The following CDKL2 variants were observed in gnomAD, a reference collection of about 807,000 sequenced individuals.
CDKL2 encodes the protein cyclin-dependent kinase-like 2.
CDKL2 carries 64 observed loss-of-function variants against 63.9 expected under a neutral mutation model. That is an observed-to-expected ratio of 1.00 (90% confidence interval 0.82 to 1.23). CDKL2 has a LOEUF of 1.23. Ranked by LOEUF, CDKL2 falls within the 50% of genes most tolerant of loss-of-function variation. The pLI is 0.00. For synonymous variants in CDKL2, 211 were observed against 229.2 expected (o/e 0.92, Z 0.72); for missense variants, 656 against 668.0 (o/e 0.98, Z 0.20).
intron 12 of CDKL2, among the ~76,000 whole-genome samples, chr4:75,587,113 G>A (rs934163494): frequency 6.6e-6 from 1 of 152,142 alleles, no homozygotes; most frequent in African/African-American, 2.4e-5. Context: ...ACATAATAAA[G>A]TAAAAATAAA....
chr4:75,618,918 G>T (rs1269871846), intron 2 of CDKL2, among the ~76,000 whole-genome samples: 2 of 152,176 alleles, frequency 1.3e-5, no homozygotes, highest in Non-Finnish European at 2.9e-5. Context: ...GGAACTAAAA[G>T]CCTTGAACAT....
intron 6 of CDKL2, among the ~76,000 whole-genome samples, chr4:75,603,501 C>T (rs1251451936): frequency 4.7e-5 from 7 of 149,990 alleles, no homozygotes; most frequent in South Asian, 2.1e-4. Context: ...GAGGCCGAGG[C>T]GGGCGGATCA....
At chr4:75,619,705 G>A (rs929713941) in intron 2 of CDKL2, among the ~76,000 whole-genome samples, 1 of 151,648 alleles carries the variant, frequency 6.6e-6, no homozygotes, top group Non-Finnish European at 1.5e-5. Context: ...AAATCAGCGG[G>A]CAATAAAAAA....
chr4:75,625,944 A>G lies in CDKL2; in HGVS notation c.45T>C (p.Tyr15=), dbSNP rs1285446769. 6 of 1,612,198 alleles carry G rather than the reference A, an allele frequency of 3.7e-6. No homozygotes were observed. In the African/African-American group the frequency reaches 4.0e-5, roughly 11 times the overall value. The stretch of plus-strand genomic sequence containing the variant: ...TATTCCTACACTTCATCACCATTCC[A>G]TAACTCCCTTCTCCAACCAAACCCA... The part of the protein sequence containing the change: ...ENLGLVGEGS[Y]GMVMKCRNKD... The change falls in exon 2 of 14, where the codon TAT becomes TAC. Residue 15 remains tyrosine (Y), a synonymous_variant. Transcript: ENST00000307465.
chr4:75,605,739 C>A, intron 4 of CDKL2, 105 bp from the exon 5 acceptor site: 3 of 647,458 alleles, frequency 4.6e-6, no homozygotes, highest in Non-Finnish European at 5.5e-6. Context: ...CCAACCAGAG[C>A]ATTTCAGATT....
intron 8 of CDKL2, among the ~76,000 whole-genome samples, chr4:75,597,683 A>G (rs1285582981): frequency 6.6e-6 from 1 of 152,252 alleles, no homozygotes; most frequent in African/African-American, 2.4e-5. Context: ...ACCTAAGTTA[A>G]GTATCCAAAT....
rs113327297 is a variant in CDKL2 at position 75,592,184 on chromosome 4, T to C, written c.1502A>G (p.Tyr501Cys). The C allele has an allele frequency of 1.3e-6, 2 of 1,535,294 alleles. No individual in the cohort carries two copies. Among genetic ancestry groups the C allele is most frequent in the African/African-American group, 1.4e-5 (1 of 73,142 alleles). The part of the protein sequence containing the change: ...RTDVRLPELN[Y>C]NHLPELRALG... ...TGCTCTTAGTTCAGGGAGATGATTA[T>C]AGTTTAGTTCAGGCAAACGGACATC... is the stretch of plus-strand genomic sequence containing the variant. Residue 501 changes from tyrosine (Y) to cysteine (C), a missense_variant, in exon 11 of 14, where the codon TAT becomes TGT. Coordinates refer to ENST00000307465, the MANE Select transcript of CDKL2 (RefSeq NM_001330724.2).
chr4:75,626,454 C>T (rs1266618990), intron 1 of CDKL2, among the ~76,000 whole-genome samples: 2 of 152,022 alleles, frequency 1.3e-5, no homozygotes, highest in East Asian at 1.9e-4. Flanking sequence ...ATCACAAGGT[C>T]GGGAGATTGA....
At chr4:75,589,595 C>T (rs1172754996) in intron 12 of CDKL2, among the ~76,000 whole-genome samples, 3 of 152,176 alleles carry the variant, frequency 2.0e-5, no homozygotes, top group Admixed American at 6.5e-5. Flanking sequence ...TGAGCCACCG[C>T]GCCCGGCCGA....
intron 6 of CDKL2, among the ~76,000 whole-genome samples, chr4:75,600,675 G>A (rs1729150442): frequency 6.6e-6 from 1 of 152,028 alleles, no homozygotes; most frequent in African/African-American, 2.4e-5. Context: ...GCCCAGGCTG[G>A]TCTCGAACTC....
In CDKL2 at chr4:75,604,345, A is replaced by G. The variant is rs140188264; in HGVS notation, c.656-389T>C. 1.3e-3 allele frequency among the ~76,000 whole-genome samples: 196 copies of G among 152,298 alleles called. 1 individual carries two copies. The highest frequency in any genetic ancestry group is 2.7e-3 in the South Asian group (13 of 4,824). On this transcript the variant is annotated intron_variant, in intron 5 of 13. Coordinates refer to ENST00000307465, the MANE Select transcript of CDKL2 (RefSeq NM_001330724.2). ...GATTTTGTGCTTATCTTAAAGTCAGATTTGAGCACTTTAATCTTTTTTCTC... is the reference window on the plus strand; with the variant it reads ...GATTTTGTGCTTATCTTAAAGTCAGGTTTGAGCACTTTAATCTTTTTTCTC...
intron 11 of CDKL2, 82 bp from the exon 12 acceptor site, chr4:75,592,007 T>G (rs1728736577): frequency 2.3e-6 from 3 of 1,313,364 alleles, no homozygotes; most frequent in Non-Finnish European, 3.1e-6. Context: ...TACGTGTTCC[T>G]CAGTATGTAC....
At chr4:75,596,141 G>A (rs1040402327) in intron 10 of CDKL2, 106 bp downstream of exon 10, 16 of 671,938 alleles carry the variant, frequency 2.4e-5, no homozygotes, top group Non-Finnish European at 4.2e-5. Flanking sequence ...TTCACTTTAT[G>A]TGTATCCAAA....
intron 6 of CDKL2, among the ~76,000 whole-genome samples, chr4:75,602,431 G>A (rs1729236796): frequency 6.6e-6 from 1 of 151,766 alleles, no homozygotes; most frequent in Admixed American, 6.6e-5. Flanking sequence ...ACGTGCCTCG[G>A]CCGCCCAAAC....
At chr4:75,607,424 T>G in intron 3 of CDKL2, 63 bp from the exon 4 acceptor site, 1 of 1,272,580 alleles carries the variant, frequency 7.9e-7, no homozygotes, top group Non-Finnish European at 1.1e-6. Context: ...GCACCTGCTA[T>G]GTGCAGGGCA....
chr4:75,625,648 T>C (rs188867658), intron 2 of CDKL2, among the ~76,000 whole-genome samples, 173 bp downstream of exon 2: 5 of 152,302 alleles, frequency 3.3e-5, no homozygotes, highest in African/African-American at 1.2e-4. Flanking sequence ...AGACTATAGA[T>C]AGATGATTGA....
intron 12 of CDKL2, among the ~76,000 whole-genome samples, chr4:75,585,576 G>C (rs961273507): frequency 2.6e-5 from 4 of 152,118 alleles, no homozygotes; most frequent in East Asian, 1.9e-4. Context: ...CTGGGCAACA[G>C]AGTGAGACCC....
chr4:75,602,672 C>T (rs1279777975), intron 6 of CDKL2, among the ~76,000 whole-genome samples: 2 of 152,106 alleles, frequency 1.3e-5, no homozygotes, highest in Non-Finnish European at 2.9e-5. Flanking sequence ...CAGACATGCA[C>T]CACCATGCCC....
At chr4:75,585,378 G>A (rs1053947879) in intron 12 of CDKL2, among the ~76,000 whole-genome samples, 1 of 152,006 alleles carries the variant, frequency 6.6e-6, no homozygotes, top group Admixed American at 6.6e-5. Flanking sequence ...AGGAGTTTGA[G>A]CAACACAGCA....
Sources: gnomAD v4.1 joint callset for allele counts (sites outside exome capture counted in the v4.1 genomes callset) on GRCh38, gnomAD v4.1.1 for gene constraint, MANE v1.5 for transcripts, NCBI Gene and HGNC (gene_info 2026-07-23, HGNC 2026-07-21) for gene names.